CAPN11: variants seen among roughly 807,000 people sequenced by gnomAD.
The protein encoded by CAPN11 is calpain-11.
Under a neutral mutation model 105.3 loss-of-function variants are expected in CAPN11, and 108 were observed. The ratio of observed to expected loss-of-function variants is 1.03; its 90% CI spans 0.88 to 1.20. The LOEUF (loss-of-function observed/expected upper bound fraction) is 1.20. Ranked by LOEUF, CAPN11 falls within the 50% of genes most tolerant of loss-of-function variation. CAPN11 has a pLI of 0.00. For synonymous variants in CAPN11, 329 were observed against 344.5 expected (o/e 0.96, Z 0.50); for missense variants, 883 against 924.8 (o/e 0.95, Z 0.59).
Position 44,184,012 on chromosome 6 carries a change from T to C in CAPN11, c.*80T>C, listed in dbSNP as rs1040297437. On this transcript the variant is annotated 3_prime_UTR_variant, in exon 23 of 23. Coordinates refer to ENST00000398776, the MANE Select transcript of CAPN11 (RefSeq NM_007058.4). ...GCCCAGGAGGGTGGGGTGCTTCTTG[T>C]AGCCCTCAGCTCTCCGGTCTCTGCT... The C allele has an allele frequency of 1.7e-5, 25 of 1,469,432 alleles. No homozygotes were observed. Among genetic ancestry groups the C allele is most frequent in the Non-Finnish European group, 2.2e-5 (24 of 1,074,884 alleles). 91.0% of individuals were successfully genotyped at this position (1,469,432 alleles called of 1,614,324 possible).
chr6:44,169,491 A>T lies in CAPN11; in HGVS notation c.299A>T (p.Asn100Ile). The T allele has an allele frequency of 6.2e-7, 1 of 1,603,884 alleles. No individual in the cohort carries two copies. The highest frequency in any genetic ancestry group is 8.5e-7 in the Non-Finnish European group (1 of 1,175,424). Residue 100 changes from asparagine (N) to isoleucine (I), a missense_variant, in exon 3 of 23, where the codon AAC becomes ATC. By Grantham distance (149) the Asn-to-Ile change is moderately radical. Coordinates refer to ENST00000398776, the MANE Select transcript of CAPN11 (RefSeq NM_007058.4). ...SSLGFKDLGP[N>I]SKNVQNISWQ... ...CTGGGCTTCAAGGACCTGGGCCCCA[A>T]CTCCAAAAATGTGCAGAACATCTCC... is the stretch of plus-strand genomic sequence containing the variant.
chr6:44,159,523 A>G (rs1768326348), intron 1 of CAPN11, among the ~76,000 whole-genome samples: 2 of 152,076 alleles, frequency 1.3e-5, no homozygotes, highest in Non-Finnish European at 2.9e-5. Context: ...CCGTGAGACC[A>G]TGGGCCCCTA....
At position 44,169,500 on chromosome 6, in the gene CAPN11, A is replaced by G; in HGVS notation, c.308A>G (p.Asn103Ser). 1.2e-6 allele frequency: 2 copies of G among 1,601,120 alleles called. No homozygotes were observed. The highest frequency in any genetic ancestry group is 1.7e-6 in the Non-Finnish European group (2 of 1,174,080). ...AAGGACCTGGGCCCCAACTCCAAAA[A>G]TGTGCAGAACATCTCCTGGCAGCGG... ...GFKDLGPNSK[N>S]VQNISWQRPK... The change falls in exon 3 of 23, where the codon AAT becomes AGT. Residue 103 changes from asparagine to serine, a missense_variant. Coordinates refer to ENST00000398776, the MANE Select transcript of CAPN11 (RefSeq NM_007058.4).
At chr6:44,167,938 A>C (rs1014966057) in intron 2 of CAPN11, among the ~76,000 whole-genome samples, 6 of 151,988 alleles carry the variant, frequency 3.9e-5, no homozygotes, top group African/African-American at 7.3e-5. Flanking sequence ...AAAACAAAAA[A>C]CCAAAGGATA....
chr6:44,182,317 A>AC (rs1773901524), intron 19 of CAPN11, among the ~76,000 whole-genome samples: 1 of 139,738 alleles, frequency 7.2e-6, no homozygotes, highest in African/African-American at 3.2e-5. Context: ...ACACACTCAC[A>AC]TACAGACACA....
chr6:44,176,594 G>C lies in CAPN11; in HGVS notation c.1015G>C (p.Glu339Gln), dbSNP rs1772070093. The C allele has an allele frequency of 6.2e-7, 1 of 1,612,024 alleles. No individual in the cohort carries two copies. The highest frequency in any genetic ancestry group is 1.3e-5 in the African/African-American group (1 of 74,876). ...TCTCTGCTCCAGTGCCAGGGAGTGG[G>C]AAGAGGTGGCCTCAGACATCCAGAT... ...GAWSDSAREW[E>Q]EVASDIQMQL... is the part of the protein sequence containing the mutation. The change falls in exon 10 of 23, where the codon GAA becomes CAA. Residue 339 changes from glutamate to glutamine, a missense_variant. Physicochemically the swap from Glu to Gln is conservative, Grantham distance 29. Coordinates refer to ENST00000398776, the MANE Select transcript of CAPN11 (RefSeq NM_007058.4).
chr6:44,181,218 C>T (rs1479420456), intron 18 of CAPN11, 34 bp from the exon 19 acceptor site: 10 of 1,604,468 alleles, frequency 6.2e-6, no homozygotes, highest in African/African-American at 1.3e-5. Context: ...ATGCCTTCTT[C>T]ACTCCTTCTC....
chr6:44,180,675 C>T lies in CAPN11; in HGVS notation c.1746+13C>T, dbSNP rs766356164. On this transcript the variant is annotated intron_variant, in intron 16 of 22. Transcript: ENST00000398776. ...AGTGGCAGGAGAGGTGAGCAGGCCACGAGCGGAGGGCTGACAGGAGGGGGA... is the reference window on the plus strand; with the variant it reads ...AGTGGCAGGAGAGGTGAGCAGGCCATGAGCGGAGGGCTGACAGGAGGGGGA... 9.9e-6 allele frequency: 16 copies of T among 1,613,552 alleles called. No homozygotes were observed. Among genetic ancestry groups the T allele is most frequent in the South Asian group, 1.1e-5 (1 of 91,064 alleles).
At chr6:44,169,629 C>T in intron 3 of CAPN11, 98 bp downstream of exon 3, 1 of 1,279,254 alleles carries the variant, frequency 7.8e-7, no homozygotes, top group South Asian at 1.6e-5. Flanking sequence ...CCCCCCACTA[C>T]CCCATTCTGA....
chr6:44,180,508 A>G lies in CAPN11; in HGVS notation c.1680+9A>G. 1 of 1,613,262 alleles carries G rather than the reference A, an allele frequency of 6.2e-7. No homozygotes were observed. The highest frequency in any genetic ancestry group is 1.7e-4 in the Middle Eastern group (1 of 6,054). ...CTGAGCAACTCCAAGAGGTGAGGGGAGACTGTAGGGCTGGGGGTTGGAAGG... is the reference window on the plus strand; with the variant it reads ...CTGAGCAACTCCAAGAGGTGAGGGGGGACTGTAGGGCTGGGGGTTGGAAGG... On this transcript the variant is annotated intron_variant, in intron 15 of 22. Coordinates refer to ENST00000398776, the MANE Select transcript of CAPN11 (RefSeq NM_007058.4).
chr6:44,180,597 G>C lies in CAPN11; in HGVS notation c.1681G>C (p.Glu561Gln), dbSNP rs968233418. Residue 561 changes from glutamate (E) to glutamine (Q), a missense_variant and splice_region_variant, in exon 16 of 23, where the codon GAA becomes CAA. Glu to Gln is a conservative substitution (Grantham distance 29). Transcript: ENST00000398776. ...CCCTTTCCTGCTCCCCGGCCCCCAG[G>C]AAAAGGTCTCTGAGGATGACATGGA... ...EVNYAEQLQE[E>Q]KVSEDDMDQD... 3 of 1,613,686 alleles carry C rather than the reference G, an allele frequency of 1.9e-6. No homozygotes were observed. In the African/African-American group the frequency reaches 4.0e-5, roughly 22 times the overall value.
chr6:44,176,650 G>T lies in CAPN11; in HGVS notation c.1071G>T (p.Glu357Asp). The change falls in exon 10 of 23, where the codon GAG becomes GAT. Residue 357 changes from glutamate (E) to aspartate (D), a missense_variant. Physicochemically the swap from Glu to Asp is conservative, Grantham distance 45. Transcript: ENST00000398776. ...TGCTGCACAAGACGGAGGACGGGGAGTTCTGGTCAGTGTGGCTTGGGGTGG... is the reference window on the plus strand; with the variant it reads ...TGCTGCACAAGACGGAGGACGGGGATTTCTGGTCAGTGTGGCTTGGGGTGG... ...MQLLHKTEDG[E>D]FWMSYQDFLN... 6.2e-7 allele frequency: 1 copy of T among 1,600,172 alleles called. No homozygotes were observed. Among genetic ancestry groups the T allele is most frequent in the South Asian group, 1.1e-5 (1 of 88,942 alleles).
intron 5 of CAPN11, 126 bp downstream of exon 5, chr6:44,172,546 T>C: frequency 3.2e-6 from 2 of 616,602 alleles, no homozygotes; most frequent in Non-Finnish European, 5.6e-6. Flanking sequence ...GGACTAATTA[T>C]CAGAGAAATA....
At chr6:44,180,321 CAGAACT>C (rs886687752) in intron 14 of CAPN11, 133 bp from the exon 15 acceptor site, 10 of 932,448 alleles carry the variant, frequency 1.1e-5, no homozygotes, top group African/African-American at 6.6e-5. Context: ...GTGGCAGAAC[CAGAACT>C]AGAACTAGAA....
chr6:44,173,399 T>C lies in CAPN11; in HGVS notation c.831+13T>C. The C allele has an allele frequency of 1.9e-6, 3 of 1,568,452 alleles. No homozygotes were observed. The highest frequency in any genetic ancestry group is 2.6e-6 in the Non-Finnish European group (3 of 1,149,170). On this transcript the variant is annotated intron_variant, in intron 7 of 22. Transcript: ENST00000398776. ...TTGCTCCATTGAAGTAAGCAAAGCA[T>C]GGTCCCACCTCAGGGCCTTTGCACC...
At chr6:44,182,570 T>C (rs182516605) in intron 19 of CAPN11, among the ~76,000 whole-genome samples, 4 of 152,226 alleles carry the variant, frequency 2.6e-5, no homozygotes, top group African/African-American at 4.8e-5. Flanking sequence ...AGGCCACTGC[T>C]GTGAGCCAAC....
intron 19 of CAPN11, 81 bp from the exon 20 acceptor site, chr6:44,182,860 C>G: frequency 9.6e-7 from 1 of 1,037,478 alleles, no homozygotes; most frequent in Non-Finnish European, 1.5e-6. Flanking sequence ...AGGCATGAGC[C>G]ACCGCGCCCG....
chr6:44,176,532 T>C, intron 9 of CAPN11, 49 bp from the exon 10 acceptor site: 1 of 1,538,000 alleles, frequency 6.5e-7, no homozygotes, highest in East Asian at 2.3e-5. Context: ...AGGAAGGAGG[T>C]GCCACATGAC....
intron 1 of CAPN11, among the ~76,000 whole-genome samples, chr6:44,164,482 A>G (rs1285973018): frequency 6.6e-6 from 1 of 152,214 alleles, no homozygotes; most frequent in Non-Finnish European, 1.5e-5. Flanking sequence ...TCTCCTCTTG[A>G]GAGCTCACAG....
Sources: allele counts gnomAD v4.1 joint callset (sites outside exome capture counted in the v4.1 genomes callset), GRCh38; gene constraint gnomAD v4.1.1; transcripts MANE v1.5; gene names NCBI Gene and HGNC (gene_info 2026-07-23, HGNC 2026-07-21).